Variants in AUTS2 observed in about 807,000 individuals in gnomAD.
The protein encoded by AUTS2 is activator of transcription and developmental regulator AUTS2.
A neutral mutation model predicts 112.4 loss-of-function variants in AUTS2; 17 were observed. The ratio of observed to expected loss-of-function variants is 0.15; its 90% confidence interval spans 0.10 to 0.23. The LOEUF is 0.23. Ranked by LOEUF, AUTS2 falls within the 10% of genes least tolerant of loss-of-function variation. The probability of loss-of-function intolerance (pLI) is 1.00; values close to 1 mark genes in which losing one functional copy is unlikely to be tolerated. For missense variants in AUTS2, 1,510 were observed against 1,701.6 expected (o/e 0.89, Z 1.98); for synonymous variants, 751 against 702.7 (o/e 1.07, Z -1.09).
chr7:69,692,210 A>G (rs1376191955), intron 1 of AUTS2, among the ~76,000 whole-genome samples: 1 of 152,248 alleles, frequency 6.6e-6, no homozygotes, highest in East Asian at 1.9e-4. Context: ...TAGAGATAAT[A>G]GAACAAACGT....
chr7:70,303,061 G>GGA (rs1789296721), intron 4 of AUTS2, among the ~76,000 whole-genome samples: 1 of 152,022 alleles, frequency 6.6e-6, no homozygotes, highest in African/African-American at 2.4e-5. Flanking sequence ...CTCTCATTTA[G>GGA]GGTTGGAATC....
chr7:69,931,378 C>T (rs568808701), intron 2 of AUTS2, among the ~76,000 whole-genome samples: 2 of 152,194 alleles, frequency 1.3e-5, no homozygotes, highest in South Asian at 4.1e-4. Context: ...ACAGTATAAT[C>T]CACATCTGCA....
intron 2 of AUTS2, among the ~76,000 whole-genome samples, chr7:70,077,564 G>A (rs1803094230): frequency 6.6e-6 from 1 of 152,206 alleles, no homozygotes; most frequent in Non-Finnish European, 1.5e-5. Flanking sequence ...TTACAGAACA[G>A]CTGAGACACA....
At chr7:70,332,667 C>T (rs1395001204) in intron 4 of AUTS2, among the ~76,000 whole-genome samples, 2 of 152,244 alleles carry the variant, frequency 1.3e-5, no homozygotes, top group Middle Eastern at 6.8e-3. Flanking sequence ...CACACAACTA[C>T]AACCATCTGA....
chr7:70,771,670 A>G (rs1790350559), intron 11 of AUTS2, 26 bp downstream of exon 11: 2 of 1,603,338 alleles, frequency 1.2e-6, no homozygotes, highest in East Asian at 2.2e-5. Context: ...GTGAAAACAC[A>G]CAGGCATGTG....
chr7:70,697,232 G>GA (rs1301943455), intron 5 of AUTS2, among the ~76,000 whole-genome samples: 10 of 152,082 alleles, frequency 6.6e-5, no homozygotes, highest in East Asian at 3.9e-4. Flanking sequence ...TGCAAAATAG[G>GA]AAAAAATCTA....
intron 4 of AUTS2, among the ~76,000 whole-genome samples, chr7:70,160,798 A>G (rs946293332): frequency 2.0e-5 from 3 of 152,220 alleles, no homozygotes; most frequent in African/African-American, 7.2e-5. Flanking sequence ...TCCTAAACCA[A>G]TCATTGCTTT....
chr7:70,260,533 G>A (rs1787114797), intron 4 of AUTS2, among the ~76,000 whole-genome samples: 1 of 152,040 alleles, frequency 6.6e-6, no homozygotes, highest in African/African-American at 2.4e-5. Context: ...GTGTCACATG[G>A]TGAGGGGGTG....
intron 1 of AUTS2, among the ~76,000 whole-genome samples, chr7:69,607,602 G>T (rs1248287445): frequency 6.6e-6 from 1 of 152,128 alleles, no homozygotes; most frequent in Non-Finnish European, 1.5e-5. Context: ...ATTCTAGTTA[G>T]TTTGTTTGCC....
At chr7:70,082,989 T>G (rs1803396949) in intron 2 of AUTS2, among the ~76,000 whole-genome samples, 3 of 152,232 alleles carry the variant, frequency 2.0e-5, no homozygotes, top group Admixed American at 1.3e-4. Context: ...TCTTTTACAA[T>G]GTGGAGCTTT....
intron 5 of AUTS2, among the ~76,000 whole-genome samples, chr7:70,693,843 A>AGGAAGGCAGCTCC (rs1297029390): frequency 1.3e-5 from 2 of 152,010 alleles, no homozygotes; most frequent in Non-Finnish European, 2.9e-5. Context: ...CCCGCCCGCA[A>AGGAAGGCAGCTCC]GGAAGGCAGC....
At chr7:69,970,193 G>C (rs1797792250) in intron 2 of AUTS2, among the ~76,000 whole-genome samples, 1 of 152,056 alleles carries the variant, frequency 6.6e-6, no homozygotes, top group Non-Finnish European at 1.5e-5. Flanking sequence ...TTCTAAAAGA[G>C]TGCTTACTTC....
intron 2 of AUTS2, among the ~76,000 whole-genome samples, chr7:70,032,460 A>G (rs1554431955): frequency 6.6e-6 from 1 of 152,138 alleles, no homozygotes; most frequent in South Asian, 2.1e-4. Flanking sequence ...AACTCCTCCA[A>G]TAGAGACATT....
intron 2 of AUTS2, among the ~76,000 whole-genome samples, chr7:70,003,542 T>A (rs1403824592): frequency 7.9e-6 from 1 of 125,992 alleles, no homozygotes; most frequent in African/African-American, 3.1e-5. Flanking sequence ...ATGTTATATA[T>A]GTATATATAA....
chr7:70,758,862 TGAAAG>T (rs970704175), intron 6 of AUTS2, among the ~76,000 whole-genome samples: 2 of 151,586 alleles, frequency 1.3e-5, no homozygotes, highest in Non-Finnish European at 2.9e-5. Flanking sequence ...ATTGAATAAT[TGAAAG>T]GAAGAGGAAA....
chr7:70,789,949 G>T lies in AUTS2; in HGVS notation c.2733G>T (p.Ala911=). ...RKDLAADEHK[A]KEGHLPEKDG... ...ACCTGGCCGCCGACGAGCACAAGGC[G>T]AAAGAGGGCCACCTGCCCGAGAAGG... The change falls in exon 19 of 19, where the codon GCG becomes GCT. Residue 911 remains alanine (A), a synonymous_variant. Coordinates refer to ENST00000342771, the MANE Select transcript of AUTS2 (RefSeq NM_015570.4). The T allele has an allele frequency of 6.2e-7, 1 of 1,613,762 alleles. No homozygotes were observed. The highest frequency in any genetic ancestry group is 1.6e-4 in the Middle Eastern group (1 of 6,062).
At chr7:69,872,974 C>T (rs1377405443) in intron 1 of AUTS2, among the ~76,000 whole-genome samples, 1 of 149,986 alleles carries the variant, frequency 6.7e-6, no homozygotes, top group Non-Finnish European at 1.5e-5. Flanking sequence ...TCCCGAGTAG[C>T]TGGGATTACA....
At chr7:69,600,552 T>C (rs1467470051) in intron 1 of AUTS2, among the ~76,000 whole-genome samples, 21 of 149,506 alleles carry the variant, frequency 1.4e-4, no homozygotes, top group Non-Finnish European at 2.1e-4. Context: ...TTTTTTTTTT[T>C]TTTTTGGTGA....
At chr7:70,491,878 G>A (rs960161768) in intron 5 of AUTS2, among the ~76,000 whole-genome samples, 2 of 152,104 alleles carry the variant, frequency 1.3e-5, no homozygotes, top group South Asian at 2.1e-4. Flanking sequence ...GCCTCCCAGA[G>A]TGCTGGGATT....
Sources: gnomAD v4.1 joint callset for allele counts (sites outside exome capture counted in the v4.1 genomes callset) on GRCh38, gnomAD v4.1.1 for gene constraint, MANE v1.5 for transcripts, NCBI Gene and HGNC (gene_info 2026-07-23, HGNC 2026-07-21) for gene names.